GLDC: variants seen among roughly 807,000 people sequenced by gnomAD.
The protein encoded by GLDC is glycine dehydrogenase (decarboxylating), mitochondrial.
Under a neutral mutation model 121.3 loss-of-function variants are expected in GLDC, and 104 were observed. The ratio of observed to expected loss-of-function variants is 0.86; its 90% CI spans 0.73 to 1.01. GLDC has a LOEUF of 1.01. GLDC is among the 50% of genes least tolerant of loss of function. The pLI, the probability that GLDC is intolerant of heterozygous loss-of-function variation, is 0.00. For synonymous variants in GLDC, 546 were observed against 480.6 expected, an observed-to-expected ratio of 1.14 and a Z score of -1.78; for missense variants, 1,429 against 1,306.6, an observed-to-expected ratio of 1.09 and a Z score of -1.44.
At chr9:6,565,272 G>A (rs2129757737) in intron 16 of GLDC, 82 bp downstream of exon 16, 2 of 943,662 alleles carry the variant, frequency 2.1e-6, no homozygotes, top group Non-Finnish European at 1.8e-6. Flanking sequence ...AAGGCTTGGA[G>A]GGAGTGTCCC....
chr9:6,645,197 C>T (rs777462956), intron 1 of GLDC, 48 bp downstream of exon 1: 49 of 1,519,206 alleles, frequency 3.2e-5, no homozygotes, highest in Non-Finnish European at 4.0e-5. Flanking sequence ...AGGCAGAGCC[C>T]GGGCAGGGCG....
chr9:6,554,758 G>A lies in GLDC; in HGVS notation c.2226C>T (p.Asp742=). ...NAQVGICRPG[D]FGSDVSHLNL... is the part of the protein sequence containing the mutation. Reference sequence around the variant, plus strand: ...TTAGGTGCGAGACATCAGACCCGAAGTCTCCAGGGCGACAGATTCCCACCT... The same window carrying A: ...TTAGGTGCGAGACATCAGACCCGAAATCTCCAGGGCGACAGATTCCCACCT... Residue 742 remains aspartate (D), a synonymous_variant, in exon 19 of 25, where the codon GAC becomes GAT. Coordinates refer to ENST00000321612, the MANE Select transcript of GLDC (RefSeq NM_000170.3). The A allele has an allele frequency of 1.2e-6, 2 of 1,613,280 alleles. No individual in the cohort carries two copies. The highest frequency in any genetic ancestry group is 1.1e-5 in the South Asian group (1 of 90,698).
chr9:6,639,671 A>AAAG, intron 2 of GLDC: 4 of 191,568 alleles, frequency 2.1e-5, no homozygotes, highest in South Asian at 1.1e-4. Context: ...AAAAAAAAGT[A>AAAG]TATATATATA....
chr9:6,600,788 C>T (rs1347084248), intron 8 of GLDC, among the ~76,000 whole-genome samples: 1 of 152,260 alleles, frequency 6.6e-6, no homozygotes, highest in African/African-American at 2.4e-5. Flanking sequence ...ACAAACACTT[C>T]GACCTAAGCC....
At chr9:6,611,530 T>C (rs1302889506) in intron 3 of GLDC, among the ~76,000 whole-genome samples, 1 of 145,738 alleles carries the variant, frequency 6.9e-6, no homozygotes, top group Admixed American at 7.2e-5. Context: ...TACTCCAGCC[T>C]GGGCAACAGA....
At position 6,555,242 on chromosome 9, in the gene GLDC, G is replaced by A. The variant is rs117388658; in HGVS notation, c.2203-461C>T. On this transcript the variant is annotated intron_variant, in intron 18 of 24. Transcript: ENST00000321612. ...GCACAGTGATGGAAGGGGCTGCGGG[G>A]GCACCAGGGAGGAGGCTGAACTGAG... 4.3e-3 allele frequency among the ~76,000 whole-genome samples: 660 copies of A among 152,300 alleles called. 4 individuals carry two copies. Among genetic ancestry groups the A allele is most frequent in the Non-Finnish European group, 8.0e-3 (541 of 68,030 alleles).
intron 21 of GLDC, chr9:6,540,367 C>A: frequency 1.9e-6 from 1 of 529,064 alleles, no homozygotes. Flanking sequence ...TGTGTCTTAT[C>A]TTCAGCTCAC....
rs189250609 is a variant in GLDC at position 6,613,840 on chromosome 9, G to C, written c.471-3484C>G. Among the ~76,000 whole-genome samples the C allele has an allele frequency of 3.4e-3, 518 of 152,078 alleles. 5 individuals are homozygous for C. Among genetic ancestry groups the C allele is most frequent in the African/African-American group, 0.012 (501 of 41,466 alleles). On this transcript the variant is annotated intron_variant, in intron 3 of 24. Coordinates refer to ENST00000321612, the MANE Select transcript of GLDC (RefSeq NM_000170.3). ...CACCCAGGCTGGAGTGCAGTGGCAC[G>C]ATCTCGGCCCAGTGCAACCTCCACC...
At chr9:6,556,515 G>T (rs1398487658) in intron 17 of GLDC, among the ~76,000 whole-genome samples, 2 of 152,208 alleles carry the variant, frequency 1.3e-5, no homozygotes, top group Admixed American at 6.5e-5. Flanking sequence ...GATCCTGGCT[G>T]GGTGTGGTGG....
chr9:6,605,507 T>C, intron 5 of GLDC: 1 of 582,176 alleles, frequency 1.7e-6, no homozygotes, highest in Non-Finnish European at 3.1e-6. Flanking sequence ...CTGACTCCCC[T>C]TTGCCCTTTC....
intron 2 of GLDC, among the ~76,000 whole-genome samples, chr9:6,641,155 C>A (rs1276521667): frequency 6.6e-6 from 1 of 152,174 alleles, no homozygotes; most frequent in Non-Finnish European, 1.5e-5. Context: ...GATGAACCAC[C>A]CGTCCTCCCC....
At chr9:6,629,340 G>A (rs181688520) in intron 2 of GLDC, among the ~76,000 whole-genome samples, 3 of 151,330 alleles carry the variant, frequency 2.0e-5, no homozygotes, top group Non-Finnish European at 4.4e-5. Flanking sequence ...TCAGCCTCCC[G>A]AGTAGCTGGG....
chr9:6,637,360 G>A (rs1301438408), intron 2 of GLDC, among the ~76,000 whole-genome samples: 1 of 151,214 alleles, frequency 6.6e-6, no homozygotes, highest in Non-Finnish European at 1.5e-5. Flanking sequence ...AGCTGAGATC[G>A]AGCCATTGCA....
chr9:6,535,666 A>C (rs1817111533), intron 23 of GLDC, among the ~76,000 whole-genome samples: 2 of 152,198 alleles, frequency 1.3e-5, no homozygotes, highest in African/African-American at 4.8e-5. Context: ...ATGGGGCATA[A>C]ACATTGTAAC....
intron 8 of GLDC, among the ~76,000 whole-genome samples, chr9:6,601,255 T>A (rs1026562016): frequency 6.6e-6 from 1 of 152,138 alleles, no homozygotes; most frequent in Non-Finnish European, 1.5e-5. Context: ...AGCACAGTCA[T>A]CACAAATGCC....
intron 11 of GLDC, among the ~76,000 whole-genome samples, chr9:6,590,953 C>A (rs559282891): frequency 2.0e-5 from 3 of 152,344 alleles, no homozygotes; most frequent in African/African-American, 7.2e-5. Flanking sequence ...GACAGCACCA[C>A]TCAGCACTCT....
chr9:6,621,804 C>G (rs1268840024), intron 2 of GLDC, among the ~76,000 whole-genome samples: 1 of 152,196 alleles, frequency 6.6e-6, no homozygotes, highest in Non-Finnish European at 1.5e-5. Context: ...GCGTGAGCCA[C>G]CGCGCCCTGC....
Position 6,565,396 on chromosome 9 carries a change from A to G in GLDC, c.1884T>C (p.Thr628=). 6.2e-7 allele frequency: 1 copy of G among 1,613,910 alleles called. No individual in the cohort carries two copies. Residue 628 remains threonine, a synonymous_variant, in exon 16 of 25, where the codon ACT becomes ACC. Coordinates refer to ENST00000321612, the MANE Select transcript of GLDC (RefSeq NM_000170.3). The part of the protein sequence containing the change: ...GAQGEYAGLA[T]IRAYLNQKGE... ...CTTTCTGGTTTAAGTAGGCTCGGAT[A>G]GTGGCCAGTCCAGCATATTCTCCCT...
rs1177583678 is a variant in GLDC, at chr9:6,628,622, C to CA, written c.335-8304dup. ...CCAACATAGTGAGACCTCGTCTCTACAAAAAAAAAGTCAAAGAATGAGACA... is the reference window on the plus strand; with the variant it reads ...CCAACATAGTGAGACCTCGTCTCTACAAAAAAAAAAGTCAAAGAATGAGACA... On this transcript the variant is annotated intron_variant, in intron 2 of 24. Transcript: ENST00000321612. Among the ~76,000 whole-genome samples, 8 of 151,204 alleles carry CA rather than the reference C, an allele frequency of 5.3e-5. No individual in the cohort carries two copies. The East Asian group carries it at 1.2e-3, about 22-fold the overall frequency.
Sources: allele counts gnomAD v4.1 joint callset (sites outside exome capture counted in the v4.1 genomes callset), GRCh38; gene constraint gnomAD v4.1.1; transcripts MANE v1.5; gene names NCBI Gene and HGNC (gene_info 2026-07-23, HGNC 2026-07-21).